The following NBEAL1 variants were observed in gnomAD, a reference collection of about 807,000 sequenced individuals.
NBEAL1 encodes neurobeachin like 1.
Under a neutral mutation model 351.3 loss-of-function variants are expected in NBEAL1, and 273 were observed. That is an observed-to-expected ratio of 0.78 (90% confidence interval 0.70 to 0.86). The LOEUF (loss-of-function observed/expected upper bound fraction) is 0.86. NBEAL1 is among the 40% of genes least tolerant of loss of function. The probability of loss-of-function intolerance (pLI) is 0.00; values close to 1 mark genes in which losing one functional copy is unlikely to be tolerated. For synonymous variants in NBEAL1, 1,050 were observed against 1,086.4 expected (o/e 0.97, Z 0.66); for missense variants, 2,961 against 3,201.3 (o/e 0.92, Z 1.81).
intron 41 of NBEAL1, among the ~76,000 whole-genome samples, chr2:203,173,188 A>G (rs772887930): frequency 3.3e-5 from 5 of 152,192 alleles, no homozygotes; most frequent in Non-Finnish European, 7.4e-5. Context: ...ATAATCAAAC[A>G]TATTAAAGTA....
At chr2:203,172,691 G>A in intron 40 of NBEAL1, 38 bp from the exon 41 acceptor site, 1 of 1,576,654 alleles carries the variant, frequency 6.3e-7, no homozygotes, top group African/African-American at 1.4e-5. Context: ...AGCTTCTCTA[G>A]GAAGGAATGT....
chr2:203,124,419 T>C (rs2062895146), intron 19 of NBEAL1, among the ~76,000 whole-genome samples: 1 of 152,198 alleles, frequency 6.6e-6, no homozygotes, highest in African/African-American at 2.4e-5. Flanking sequence ...GGACTATAGT[T>C]AATAAAATTA....
intron 36 of NBEAL1, among the ~76,000 whole-genome samples, chr2:203,162,172 T>C (rs2063986348): frequency 6.6e-6 from 1 of 151,648 alleles, no homozygotes; most frequent in Non-Finnish European, 1.5e-5. Flanking sequence ...TACAGGTGTG[T>C]GCCACTACGC....
chr2:203,064,088 C>G (rs983991302), intron 6 of NBEAL1, among the ~76,000 whole-genome samples: 3 of 152,180 alleles, frequency 2.0e-5, no homozygotes, highest in South Asian at 2.1e-4. Flanking sequence ...GAGTCTTGCC[C>G]TGTTGCCCAG....
intron 8 of NBEAL1, 104 bp from the exon 9 acceptor site, chr2:203,083,115 A>T (rs578154210): frequency 1.0e-6 from 1 of 993,498 alleles, no homozygotes; most frequent in Non-Finnish European, 1.4e-6. Context: ...TTATGTCTTT[A>T]TTAAAAGAAA....
intron 50 of NBEAL1, 51 bp from the exon 51 acceptor site, chr2:203,202,636 C>A: frequency 9.6e-7 from 1 of 1,040,886 alleles, no homozygotes; most frequent in South Asian, 1.3e-5. Context: ...TCTTAAAGTT[C>A]TATTTTAGCA....
intron 7 of NBEAL1, among the ~76,000 whole-genome samples, chr2:203,068,800 G>A (rs2106127256): frequency 6.6e-6 from 1 of 152,266 alleles, no homozygotes; most frequent in Non-Finnish European, 1.5e-5. Context: ...TGCGATCTTG[G>A]CTCACCACAA....
At chr2:203,129,532 A>AT (rs1210777714) in intron 24 of NBEAL1, among the ~76,000 whole-genome samples, 19 of 151,984 alleles carry the variant, frequency 1.3e-4, no homozygotes, top group African/African-American at 4.3e-4. Flanking sequence ...TGCCAACAAT[A>AT]TTTTTTTTGG....
chr2:203,203,022 G>A (rs2065444777), intron 51 of NBEAL1, among the ~76,000 whole-genome samples: 1 of 152,034 alleles, frequency 6.6e-6, no homozygotes. Context: ...CTAGGAAAAC[G>A]GGAATTATTT....
intron 47 of NBEAL1, among the ~76,000 whole-genome samples, chr2:203,195,088 C>T (rs932194073): frequency 2.0e-5 from 3 of 151,560 alleles, no homozygotes; most frequent in Non-Finnish European, 2.9e-5. Flanking sequence ...GTCCCAGCTA[C>T]TCGGAAGGCT....
intron 2 of NBEAL1, 85 bp from the exon 3 acceptor site, chr2:203,041,680 C>A (rs1424684819): frequency 2.5e-6 from 2 of 809,328 alleles, no homozygotes; most frequent in East Asian, 2.7e-5. Flanking sequence ...AGTATTGATT[C>A]TTTAGGTATC....
chr2:203,162,605 A>G (rs557498551), intron 36 of NBEAL1, among the ~76,000 whole-genome samples: 2 of 152,158 alleles, frequency 1.3e-5, no homozygotes, highest in South Asian at 4.1e-4. Context: ...TTAACTTGGC[A>G]TGGTGATGTG....
intron 31 of NBEAL1, among the ~76,000 whole-genome samples, chr2:203,141,379 T>A (rs1353600026): frequency 1.9e-4 from 17 of 87,762 alleles, no homozygotes; most frequent in South Asian, 1.5e-3. Flanking sequence ...TTTTTTTTTT[T>A]TTTTTTTTTT....
At chr2:203,185,339 TACTG>T (rs1245633919) in intron 44 of NBEAL1, among the ~76,000 whole-genome samples, 1 of 152,216 alleles carries the variant, frequency 6.6e-6, no homozygotes, top group African/African-American at 2.4e-5. Flanking sequence ...AATTATGTAT[TACTG>T]AGTAACAAAC....
intron 1 of NBEAL1, among the ~76,000 whole-genome samples, chr2:203,015,326 T>G (rs2105979166): frequency 6.6e-6 from 1 of 152,286 alleles, no homozygotes; most frequent in African/African-American, 2.4e-5. Flanking sequence ...TGCCCACTTC[T>G]CTTGGATGGA....
chr2:203,049,012 A>AT (rs1056089889), intron 3 of NBEAL1, among the ~76,000 whole-genome samples: 67 of 145,090 alleles, frequency 4.6e-4, no homozygotes, highest in South Asian at 6.5e-4. Flanking sequence ...CAGTTGACAA[A>AT]TTTTTTTTTT....
At position 203,171,407 on chromosome 2, in the gene NBEAL1, C is replaced by T. The variant is rs191631055; in HGVS notation, c.6103-521C>T. Among the ~76,000 whole-genome samples, 15 of 152,226 alleles carry T rather than the reference C, an allele frequency of 9.9e-5. No individual in the cohort carries two copies. In the South Asian group the frequency reaches 2.5e-3, roughly 25 times the overall value. On this transcript the variant is annotated intron_variant, in intron 39 of 55. Coordinates refer to ENST00000683969, the MANE Select transcript of NBEAL1 (RefSeq NM_001378026.1). ...ATCACTTGAGGCTAGGAGTTTGAGA[C>T]CAGCCTGGGCAACAAAGCAAGACCT...
intron 19 of NBEAL1, among the ~76,000 whole-genome samples, chr2:203,122,775 T>C (rs1289025684): frequency 6.6e-6 from 1 of 152,224 alleles, no homozygotes; most frequent in East Asian, 1.9e-4. Context: ...ACCAAACTGC[T>C]CTTATGGGTA....
At chr2:203,112,959 T>G in intron 16 of NBEAL1, 56 bp from the exon 17 acceptor site, 2 of 1,337,482 alleles carry the variant, frequency 1.5e-6, no homozygotes, top group Non-Finnish European at 2.0e-6. Context: ...TAATTTTATG[T>G]TAAATATGAG....
Sources: gnomAD v4.1 joint callset for allele counts (sites outside exome capture counted in the v4.1 genomes callset) on GRCh38, gnomAD v4.1.1 for gene constraint, MANE v1.5 for transcripts, NCBI Gene and HGNC (gene_info 2026-07-23, HGNC 2026-07-21) for gene names.